The following FGF1 variants were observed in gnomAD, a reference collection of about 807,000 sequenced individuals.
FGF1 encodes the protein fibroblast growth factor 1, also known as beta-endothelial cell growth factor.
In FGF1, 9 loss-of-function variants were observed where a neutral mutation model predicts 13.4. The ratio of observed to expected loss-of-function variants is 0.67; its 90% CI spans 0.40 to 1.17. The LOEUF (loss-of-function observed/expected upper bound fraction) is 1.17. Ranked by LOEUF, FGF1 falls within the 50% of genes most tolerant of loss-of-function variation. The pLI is 0.01. For missense variants in FGF1, 156 were observed against 192.7 expected, an observed-to-expected ratio of 0.81 and a Z score of 1.13; for synonymous variants, 93 against 79.0, an observed-to-expected ratio of 1.18 and a Z score of -0.94.
chr5:142,660,889 T>C (rs1001892956), intron 1 of FGF1, among the ~76,000 whole-genome samples: 1 of 152,200 alleles, frequency 6.6e-6, no homozygotes, highest in African/African-American at 2.4e-5. Flanking sequence ...GAGCCAGCTG[T>C]CTTCTTTATT....
chr5:142,597,282 A>T (rs1306390310), intron 3 of FGF1, among the ~76,000 whole-genome samples: 8 of 152,236 alleles, frequency 5.3e-5, no homozygotes. Flanking sequence ...GAGTAAGTGT[A>T]CAACTGTATT....
intron 1 of FGF1, among the ~76,000 whole-genome samples, chr5:142,645,910 T>G (rs540814237): frequency 6.6e-6 from 1 of 152,316 alleles, no homozygotes; most frequent in Non-Finnish European, 1.5e-5. Flanking sequence ...TTTTTTGTTT[T>G]TTTTGTTTGT....
intron 1 of FGF1, among the ~76,000 whole-genome samples, chr5:142,648,195 T>G (rs1050200409): frequency 6.6e-6 from 1 of 152,122 alleles, no homozygotes; most frequent in African/African-American, 2.4e-5. Flanking sequence ...AGAACAAGTG[T>G]CTTCACACAC....
At chr5:142,608,552 AT>A (rs1157996482) in intron 2 of FGF1, among the ~76,000 whole-genome samples, 5 of 69,836 alleles carry the variant, frequency 7.2e-5, no homozygotes, top group African/African-American at 4.4e-4. Flanking sequence ...CTATATATAT[AT>A]ATATATATAT....
chr5:142,604,566 T>G (rs1331205475), intron 2 of FGF1, among the ~76,000 whole-genome samples: 1 of 152,142 alleles, frequency 6.6e-6, no homozygotes, highest in African/African-American at 2.4e-5. Context: ...CTCTGTTTCC[T>G]TATCTATAGT....
intron 3 of FGF1, among the ~76,000 whole-genome samples, chr5:142,596,822 C>G (rs1755385567): frequency 6.6e-6 from 1 of 151,948 alleles, no homozygotes; most frequent in South Asian, 2.1e-4. Context: ...AAAGAAAAAA[C>G]TATCCCAAAA....
intron 2 of FGF1, among the ~76,000 whole-genome samples, chr5:142,610,204 A>G (rs928029341): frequency 6.6e-6 from 1 of 152,184 alleles, no homozygotes; most frequent in Non-Finnish European, 1.5e-5. Context: ...GGGCTCATAG[A>G]TGTTTATTGA....
chr5:142,684,854 G>A (rs1774384218), intron 1 of FGF1, among the ~76,000 whole-genome samples: 1 of 152,146 alleles, frequency 6.6e-6, no homozygotes, highest in Admixed American at 6.5e-5. Context: ...CTCCCACTGG[G>A]TCGGGGAGCT....
At position 142,650,754 on chromosome 5, in the gene FGF1, G is replaced by A. The variant is rs148064561; in HGVS notation, c.-35+35203C>T. 1.9e-3 allele frequency among the ~76,000 whole-genome samples: 284 copies of A among 152,148 alleles called. 2 individuals carry two copies. Among genetic ancestry groups the A allele is most frequent in the African/African-American group, 6.4e-3 (267 of 41,490 alleles). On this transcript the variant is annotated intron_variant, in intron 1 of 3. Transcript: ENST00000337706. ...GTAGTTAAAGTAGCTGGATATTGCT[G>A]TAGTATTAATTGATAGAAATCCGAA...
chr5:142,694,088 A>AATCTATCTATCTATCTATCT (rs35496779), intron 2 of FGF1, among the ~76,000 whole-genome samples: 1 of 140,510 alleles, frequency 7.1e-6, no homozygotes, highest in Non-Finnish European at 1.5e-5. Flanking sequence ...ATCTATCTAT[A>AATCTATCTATCTATCTATCT]ATCTATCTAT....
chr5:142,653,723 C>A (rs1465911041), intron 1 of FGF1, among the ~76,000 whole-genome samples: 1 of 152,182 alleles, frequency 6.6e-6, no homozygotes, highest in African/African-American at 2.4e-5. Flanking sequence ...CCGGTTGGGG[C>A]TTAAATTCTA....
intron 1 of FGF1, among the ~76,000 whole-genome samples, chr5:142,658,240 C>T (rs1325118163): frequency 1.3e-5 from 2 of 152,242 alleles, no homozygotes; most frequent in East Asian, 1.9e-4. Flanking sequence ...AATATTCCTT[C>T]CATCAGTGTC....
intron 1 of FGF1, among the ~76,000 whole-genome samples, chr5:142,637,445 G>A (rs1053598072): frequency 2.6e-5 from 4 of 151,454 alleles, no homozygotes; most frequent in Admixed American, 1.3e-4. Flanking sequence ...TCAGCCTCCC[G>A]AGTAGCTGGG....
chr5:142,660,005 C>A (rs1425235749), intron 1 of FGF1, among the ~76,000 whole-genome samples: 1 of 152,234 alleles, frequency 6.6e-6, no homozygotes, highest in East Asian at 1.9e-4. Context: ...GTCTTGCAGG[C>A]CCTGCGTCAG....
At chr5:142,662,031 A>C (rs978143768) in intron 1 of FGF1, among the ~76,000 whole-genome samples, 1 of 150,798 alleles carries the variant, frequency 6.6e-6, no homozygotes, top group Non-Finnish European at 1.5e-5. Context: ...ACACACAGAC[A>C]AAAAAAAACC....
At chr5:142,648,659 TA>T (rs892555126) in intron 1 of FGF1, among the ~76,000 whole-genome samples, 11 of 12,272 alleles carry the variant, frequency 9.0e-4, no homozygotes, top group African/African-American at 2.6e-3. Context: ...AGTATAATAA[TA>T]AAAAAAAAGT....
At chr5:142,657,726 ACT>A (rs1472169294) in intron 1 of FGF1, among the ~76,000 whole-genome samples, 1 of 152,032 alleles carries the variant, frequency 6.6e-6, no homozygotes, top group East Asian at 1.9e-4. Flanking sequence ...TCTCTGCTGG[ACT>A]CTCAGCCCAG....
At chr5:142,648,886 G>A (rs17216960) in intron 1 of FGF1, among the ~76,000 whole-genome samples, 8 of 152,180 alleles carry the variant, frequency 5.3e-5, no homozygotes, top group East Asian at 1.9e-4. Flanking sequence ...ATCAGATGAA[G>A]AATATGGATG....
At chr5:142,637,922 T>G (rs1461724159) in intron 1 of FGF1, among the ~76,000 whole-genome samples, 1 of 151,990 alleles carries the variant, frequency 6.6e-6, no homozygotes, top group Non-Finnish European at 1.5e-5. Context: ...TGCCTTCTGG[T>G]CTTATGACTC....
Sources: allele counts gnomAD v4.1 joint callset (sites outside exome capture counted in the v4.1 genomes callset), GRCh38; gene constraint gnomAD v4.1.1; transcripts MANE v1.5; gene names NCBI Gene and HGNC (gene_info 2026-07-23, HGNC 2026-07-21).